CDC42: variants seen among roughly 807,000 people sequenced by gnomAD.
The protein encoded by CDC42 is cell division control protein 42 homolog.
A neutral mutation model predicts 20.8 loss-of-function variants in CDC42; 1 was observed. The ratio of observed to expected loss-of-function variants is 0.05; its 90% CI spans 0.02 to 0.23. CDC42 has a LOEUF of 0.23. Among genes scored for constraint, CDC42 ranks in the 10% least tolerant of loss-of-function variants. The pLI is 1.00. For synonymous variants in CDC42, 72 were observed against 84.8 expected (o/e 0.85, Z 0.83); for missense variants, 49 against 227.9 (o/e 0.21, Z 5.05).
chr1:22,054,889 ATG>A (rs1255999487), intron 1 of CDC42, among the ~76,000 whole-genome samples: 1 of 44,116 alleles, frequency 2.3e-5, no homozygotes. Context: ...GTTTGAATTT[ATG>A]TATATATATA....
At chr1:22,076,841 A>C (rs545070353) in intron 1 of CDC42, among the ~76,000 whole-genome samples, 1 of 152,254 alleles carries the variant, frequency 6.6e-6, no homozygotes, top group Non-Finnish European at 1.5e-5. Flanking sequence ...AGGAAGTTGA[A>C]TAAAGAAGGA....
rs530566150 is a variant in CDC42 at position 22,058,051 on chromosome 1, C to T, written c.-51+5309C>T. Among the ~76,000 whole-genome samples the T allele has an allele frequency of 8.5e-5, 13 of 152,244 alleles. No individual in the cohort carries two copies. In the South Asian group the frequency reaches 2.7e-3, roughly 32 times the overall value. On this transcript the variant is annotated intron_variant, in intron 1 of 5. Transcript: ENST00000656825. ...GCCTCCTTTACATTTTTATCCGTTA[C>T]CTTTACCGTTGTCATAGAAGCAAGG... is the stretch of plus-strand genomic sequence containing the variant.
At position 22,094,422 on chromosome 1, in the gene CDC42, C is replaced by T. The variant is rs571309284; in HGVS notation, c.*2905C>T. 4.3e-5 allele frequency among the ~76,000 whole-genome samples: 6 copies of T among 140,610 alleles called. No homozygotes were observed. Among genetic ancestry groups the T allele is most frequent in the South Asian group, 2.3e-4 (1 of 4,270 alleles). 92.2% of individuals were successfully genotyped at this position (140,610 alleles called of 152,430 possible). On this transcript the variant is annotated 3_prime_UTR_variant, in exon 6 of 6. Coordinates refer to ENST00000656825, the MANE Select transcript of CDC42 (RefSeq NM_001791.4). ...ACGCCATTCTCCTGCCTCAGCCTCC[C>T]GAGTAGCTGGGACTACCGGCGCCCG... is the stretch of plus-strand genomic sequence containing the variant.
intron 1 of CDC42, among the ~76,000 whole-genome samples, chr1:22,066,131 T>C (rs1469414172): frequency 6.6e-6 from 1 of 152,234 alleles, no homozygotes; most frequent in Non-Finnish European, 1.5e-5. Context: ...GCCCTTAATA[T>C]ACTGTTCAGT....
intron 5 of CDC42, 85 bp from the exon 6 acceptor site, chr1:22,091,343 G>T: frequency 1.3e-6 from 1 of 798,958 alleles, no homozygotes; most frequent in East Asian, 2.5e-5. Context: ...GCCAACTCTT[G>T]GGGGTTTGAA....
chr1:22,062,263 G>A (rs1645374509), intron 1 of CDC42, among the ~76,000 whole-genome samples: 1 of 152,118 alleles, frequency 6.6e-6, no homozygotes, highest in Non-Finnish European at 1.5e-5. Context: ...AATGGCTTGT[G>A]GTTTATAAGA....
rs1645773633 is a variant in CDC42, at chr1:22,098,925, AT to A, written c.*7413del. On this transcript the variant is annotated 3_prime_UTR_variant, in exon 6 of 6. Coordinates refer to ENST00000656825, the MANE Select transcript of CDC42 (RefSeq NM_001791.4). ...AGGTGTGTGACACCACGCCTGGCTC[AT>A]TTTTGCATTTTGTGTAGAGAGGGGG... Among the ~76,000 whole-genome samples the A allele has an allele frequency of 6.6e-6, 1 of 151,992 alleles. No individual in the cohort carries two copies. Among genetic ancestry groups the A allele is most frequent in the Non-Finnish European group, 1.5e-5 (1 of 67,988 alleles).
chr1:22,055,805 A>G (rs1452301972), intron 1 of CDC42, among the ~76,000 whole-genome samples: 2 of 151,912 alleles, frequency 1.3e-5, no homozygotes, highest in African/African-American at 4.8e-5. Context: ...TCTTGGAAGT[A>G]AAAGACTAGT....
intron 1 of CDC42, among the ~76,000 whole-genome samples, chr1:22,063,162 C>T (rs536984271): frequency 2.0e-5 from 3 of 152,070 alleles, no homozygotes; most frequent in Admixed American, 6.6e-5. Flanking sequence ...TCTCCTGATA[C>T]TCCTATCTAA....
At chr1:22,055,762 A>G (rs1278699758) in intron 1 of CDC42, among the ~76,000 whole-genome samples, 1 of 151,912 alleles carries the variant, frequency 6.6e-6, no homozygotes, top group Non-Finnish European at 1.5e-5. Context: ...GTGCTGGGAT[A>G]TAGGCATGAG....
chr1:22,070,552 C>T (rs1645475679), intron 1 of CDC42, among the ~76,000 whole-genome samples: 1 of 141,610 alleles, frequency 7.1e-6, no homozygotes, highest in Admixed American at 7.7e-5. Flanking sequence ...CAAGCTCCGC[C>T]TCCTAGGTTC....
chr1:22,063,489 G>A (rs1254249742), intron 1 of CDC42, among the ~76,000 whole-genome samples: 2 of 152,114 alleles, frequency 1.3e-5, no homozygotes, highest in Non-Finnish European at 2.9e-5. Flanking sequence ...TAAGTTAATA[G>A]GATTTCGTTC....
chr1:22,068,519 C>G (rs897680396), intron 1 of CDC42: 5 of 153,016 alleles, frequency 3.3e-5, no homozygotes, highest in African/African-American at 9.7e-5. Context: ...CGTAAAATTC[C>G]ACTGTTTCAT....
chr1:22,078,886 C>CT (rs34952712), intron 2 of CDC42: 94,350 of 989,766 alleles, frequency 0.095, 1,395 homozygotes, highest in Admixed American at 0.14. Flanking sequence ...AATGAGGTGA[C>CT]TTTTTTTTTT....
At chr1:22,090,416 T>C (rs1046443404) in intron 5 of CDC42, 10 of 999,108 alleles carry the variant, frequency 1.0e-5, no homozygotes, top group Middle Eastern at 5.1e-4. Context: ...TTTACTCTTA[T>C]GATCAATTGT....
intron 1 of CDC42, among the ~76,000 whole-genome samples, chr1:22,071,544 T>TA (rs1458117388): frequency 6.6e-6 from 1 of 152,172 alleles, no homozygotes; most frequent in Non-Finnish European, 1.5e-5. Flanking sequence ...GGTAGGTGTT[T>TA]AAAAAATTGT....
At chr1:22,066,117 T>C (rs1275056377) in intron 1 of CDC42, among the ~76,000 whole-genome samples, 1 of 152,234 alleles carries the variant, frequency 6.6e-6, no homozygotes, top group Non-Finnish European at 1.5e-5. Flanking sequence ...TTTTATTTTT[T>C]CTTGCCCTTA....
intron 3 of CDC42, among the ~76,000 whole-genome samples, chr1:22,082,098 G>A (rs895914625): frequency 1.3e-5 from 2 of 152,108 alleles, no homozygotes; most frequent in Admixed American, 6.5e-5. Context: ...CAGAGAACTG[G>A]GGACTGCATT....
rs909820 is a variant in CDC42 at position 22,096,061 on chromosome 1, A to G, written c.*4544A>G. Among the ~76,000 whole-genome samples, 143,947 of 152,186 alleles carry G rather than the reference A, an allele frequency of 0.95. 68,170 individuals carry two copies. Among genetic ancestry groups the G allele is most frequent in the East Asian group, 1 (5,171 of 5,178 alleles). The stretch of plus-strand genomic sequence containing the variant: ...TGCAACCTCCACCTCCCAGGTTCAC[A>G]TGATTCTCCTGCCTCAGCCTCCTGA... On this transcript the variant is annotated 3_prime_UTR_variant, in exon 6 of 6. Transcript: ENST00000656825.
Sources: allele counts gnomAD v4.1 joint callset (sites outside exome capture counted in the v4.1 genomes callset), GRCh38; gene constraint gnomAD v4.1.1; transcripts MANE v1.5; gene names NCBI Gene and HGNC (gene_info 2026-07-23, HGNC 2026-07-21).